The following AGAP1 variants were observed in gnomAD, a reference collection of about 807,000 sequenced individuals.
AGAP1 encodes the protein arf-GAP with GTPase, ANK repeat and PH domain-containing protein 1.
A neutral mutation model predicts 105.3 loss-of-function variants in AGAP1; 29 were observed. That is an observed-to-expected ratio of 0.28 (90% CI 0.21 to 0.38). The LOEUF is 0.38. Ranked by LOEUF, AGAP1 falls within the 10% of genes least tolerant of loss-of-function variation. AGAP1 has a pLI of 1.00. For missense variants in AGAP1, 998 were observed against 1,165.1 expected (o/e 0.86, Z 2.09); for synonymous variants, 509 against 485.9 (o/e 1.05, Z -0.63).
intron 1 of AGAP1, among the ~76,000 whole-genome samples, chr2:235,636,429 G>A (rs1342436411): frequency 1.3e-5 from 2 of 152,150 alleles, no homozygotes; most frequent in South Asian, 4.1e-4. Flanking sequence ...AAAGCCCTTC[G>A]CTGTGGATGT....
At position 235,934,499 on chromosome 2, in the gene AGAP1, G is replaced by T. The variant is rs1385801927; in HGVS notation, c.1483+3576G>T. Among the ~76,000 whole-genome samples the T allele has an allele frequency of 6.6e-6, 1 of 152,152 alleles. No individual in the cohort carries two copies. The highest frequency in any genetic ancestry group is 1.9e-4 in the East Asian group (1 of 5,196). ...CCAGCAATGTTTAGTGAACACCAGGGCACAGGATCTGATGGACAACTTCCA... is the reference window on the plus strand; with the variant it reads ...CCAGCAATGTTTAGTGAACACCAGGTCACAGGATCTGATGGACAACTTCCA... On this transcript the variant is annotated intron_variant, in intron 12 of 17. Transcript: ENST00000304032. This position sits in a 1 kb window ranked among gnomAD's most constrained non-coding sequence, Gnocchi z 4.9.
chr2:235,881,265 A>G lies in AGAP1; in HGVS notation c.1051-2080A>G, dbSNP rs557914378. On this transcript the variant is annotated intron_variant, in intron 9 of 17. Transcript: ENST00000304032. Reference sequence around the variant, plus strand: ...CAATTATATCCCATAATAATTATTCATTCTTATGTTGTAATTCTTGAAAGA... The same window carrying G: ...CAATTATATCCCATAATAATTATTCGTTCTTATGTTGTAATTCTTGAAAGA... Among the ~76,000 whole-genome samples, 5 of 152,314 alleles carry G rather than the reference A, an allele frequency of 3.3e-5. No individual in the cohort carries two copies. The East Asian group carries it at 9.6e-4, about 29-fold the overall frequency.
In AGAP1 at chr2:235,744,803, A is replaced by G; in HGVS notation, c.502A>G (p.Thr168Ala). The G allele has an allele frequency of 6.2e-7, 1 of 1,614,052 alleles. No individual in the cohort carries two copies. The highest frequency in any genetic ancestry group is 8.5e-7 in the Non-Finnish European group (1 of 1,180,032). The change falls in exon 5 of 18, where the codon ACG becomes GCG. Residue 168 changes from threonine to alanine, a missense_variant. Thr to Ala is a moderately conservative substitution (Grantham distance 58). Coordinates refer to ENST00000304032, the MANE Select transcript of AGAP1 (RefSeq NM_001037131.3). This position sits in a 1 kb window ranked among gnomAD's most constrained non-coding sequence, Gnocchi z 5.2. The stretch of plus-strand genomic sequence containing the variant: ...CAGTCGAATGGCCAACTATCGGAAC[A>G]CGAGCGAGATTCCTCTGGTTCTGGT... The part of the protein sequence containing the change: ...YYSRMANYRN[T>A]SEIPLVLVGT...
At chr2:235,868,095 C>T (rs972034353) in intron 9 of AGAP1, among the ~76,000 whole-genome samples, 2 of 151,980 alleles carry the variant, frequency 1.3e-5, no homozygotes, top group African/African-American at 4.8e-5. Context: ...AAACCTTTAA[C>T]AAGAACCTGT....
chr2:236,052,393 C>T (rs911598708), intron 16 of AGAP1, among the ~76,000 whole-genome samples: 1 of 152,094 alleles, frequency 6.6e-6, no homozygotes, highest in Admixed American at 6.6e-5. Context: ...CCAAAGAGAC[C>T]GCCGCACACT....
In AGAP1 at chr2:235,586,998, C is replaced by G. The variant is rs1329454716; in HGVS notation, c.163+92149C>G. Among the ~76,000 whole-genome samples the G allele has an allele frequency of 6.6e-6, 1 of 152,220 alleles. No homozygotes were observed. Among genetic ancestry groups the G allele is most frequent in the Non-Finnish European group, 1.5e-5 (1 of 68,036 alleles). ...TCCCATGAAAACAAACACATTTACT[C>G]TGTCTAGCTCCATCTCTAGTTAATT... On this transcript the variant is annotated intron_variant, in intron 1 of 17. Coordinates refer to ENST00000304032, the MANE Select transcript of AGAP1 (RefSeq NM_001037131.3). The surrounding 1 kb of genome is among the most constrained non-coding windows in gnomAD (Gnocchi z 4.2).
At chr2:235,941,296 G>A (rs2053246592) in intron 12 of AGAP1, among the ~76,000 whole-genome samples, 1 of 152,120 alleles carries the variant, frequency 6.6e-6, no homozygotes, top group Non-Finnish European at 1.5e-5. Context: ...AATTAATAGG[G>A]ATTATGTAGA....
At chr2:236,043,413 C>T (rs1337646605) in intron 15 of AGAP1, among the ~76,000 whole-genome samples, 1 of 152,166 alleles carries the variant, frequency 6.6e-6, no homozygotes, top group Non-Finnish European at 1.5e-5. Context: ...GTCTTTGCTA[C>T]CTTTAAAAAT....
chr2:235,927,704 C>T lies in AGAP1; in HGVS notation c.1325-3061C>T, dbSNP rs1017154751. 6.6e-5 allele frequency among the ~76,000 whole-genome samples: 10 copies of T among 152,342 alleles called. No individual in the cohort carries two copies. The highest frequency in any genetic ancestry group is 2.2e-4 in the African/African-American group (9 of 41,580). ...AGTCAGTGATGGATGCACTGAAATA[C>T]TGTCCTCTGCCTTTTAAAGGAAATT... On this transcript the variant is annotated intron_variant, in intron 11 of 17. Transcript: ENST00000304032. This position sits in a 1 kb window ranked among gnomAD's most constrained non-coding sequence, Gnocchi z 4.4.
chr2:235,956,181 G>T (rs1362204012), intron 12 of AGAP1, among the ~76,000 whole-genome samples: 2 of 152,146 alleles, frequency 1.3e-5, no homozygotes, highest in African/African-American at 4.8e-5. Context: ...TATGTAAAAA[G>T]GGAAGAGGCT....
Position 235,701,119 on chromosome 2 carries a change from A to G in AGAP1, c.164-8060A>G, listed in dbSNP as rs1038188977. ...CTCTATAATATAGTTATATGTACAT[A>G]TTATATATTATGTATATATGATATG... On this transcript the variant is annotated intron_variant, in intron 1 of 17. Coordinates refer to ENST00000304032, the MANE Select transcript of AGAP1 (RefSeq NM_001037131.3). This position sits in a 1 kb window ranked among gnomAD's most constrained non-coding sequence, Gnocchi z 4.1. Among the ~76,000 whole-genome samples, 1 of 147,632 alleles carries G rather than the reference A, an allele frequency of 6.8e-6. No homozygotes were observed. The highest frequency in any genetic ancestry group is 2.5e-5 in the African/African-American group (1 of 40,454).
intron 13 of AGAP1, among the ~76,000 whole-genome samples, chr2:236,011,012 A>C (rs1327849891): frequency 6.6e-6 from 1 of 152,148 alleles, no homozygotes; most frequent in Non-Finnish European, 1.5e-5. Context: ...GCGCCACTGC[A>C]CTCCAGCCTG....
rs1005488805 is a variant in AGAP1, at chr2:235,577,663, G to A, written c.163+82814G>A. Among the ~76,000 whole-genome samples, 5 of 152,060 alleles carry A rather than the reference G, an allele frequency of 3.3e-5. No homozygotes were observed. Among genetic ancestry groups the A allele is most frequent in the African/African-American group, 9.7e-5 (4 of 41,400 alleles). On this transcript the variant is annotated intron_variant, in intron 1 of 17. Coordinates refer to ENST00000304032, the MANE Select transcript of AGAP1 (RefSeq NM_001037131.3). This position sits in a 1 kb window ranked among gnomAD's most constrained non-coding sequence, Gnocchi z 4.5. ...TTTGGGCAGTTAACTCTGAGCATTC[G>A]GAACATTCGCCGAGTGGAACGTGTG...
chr2:236,058,693 C>T lies in AGAP1; in HGVS notation c.2114+9412C>T, dbSNP rs2058110267. On this transcript the variant is annotated intron_variant, in intron 16 of 17. Coordinates refer to ENST00000304032, the MANE Select transcript of AGAP1 (RefSeq NM_001037131.3). This position sits in a 1 kb window ranked among gnomAD's most constrained non-coding sequence, Gnocchi z 4.6. ...AGACAAGAATGTCACCAGATCTGTT[C>T]AGCATTATACTGGAGGTTCAAGCCA... Among the ~76,000 whole-genome samples, 1 of 152,162 alleles carries T rather than the reference C, an allele frequency of 6.6e-6. No individual in the cohort carries two copies. The highest frequency in any genetic ancestry group is 6.5e-5 in the Admixed American group (1 of 15,274).
rs1952130662 is a variant in AGAP1, at chr2:235,734,508, C to T, written c.311-6455C>T. Reference sequence around the variant, plus strand: ...GAGCTTTGAAGTCAAGAGTCATTTTCATCCTTAGCTCAGGCATGAAAAAAA... The same window carrying T: ...GAGCTTTGAAGTCAAGAGTCATTTTTATCCTTAGCTCAGGCATGAAAAAAA... On this transcript the variant is annotated intron_variant, in intron 3 of 17. Coordinates refer to ENST00000304032, the MANE Select transcript of AGAP1 (RefSeq NM_001037131.3). The surrounding 1 kb of genome is among the most constrained non-coding windows in gnomAD (Gnocchi z 5.3). Among the ~76,000 whole-genome samples the T allele has an allele frequency of 1.3e-5, 2 of 150,480 alleles. No individual in the cohort carries two copies. Among genetic ancestry groups the T allele is most frequent in the South Asian group, 4.2e-4 (2 of 4,780 alleles).
intron 1 of AGAP1, among the ~76,000 whole-genome samples, chr2:235,523,018 G>C (rs534983849): frequency 6.6e-6 from 1 of 152,152 alleles, no homozygotes; most frequent in Non-Finnish European, 1.5e-5. Context: ...TTTATGTCTC[G>C]CAGTTCTGGC....
intron 1 of AGAP1, among the ~76,000 whole-genome samples, chr2:235,541,761 C>T (rs928517778): frequency 6.6e-6 from 1 of 152,096 alleles, no homozygotes; most frequent in Non-Finnish European, 1.5e-5. Flanking sequence ...TATATAATGT[C>T]CCTAAAGTAT....
rs1295537306 is a variant in AGAP1 at position 235,623,345 on chromosome 2, T to G, written c.164-85834T>G. 1.3e-5 allele frequency among the ~76,000 whole-genome samples: 2 copies of G among 152,204 alleles called. No homozygotes were observed. The highest frequency in any genetic ancestry group is 2.9e-5 in the Non-Finnish European group (2 of 68,046). ...AATCAAGATTTGCTTTGCCTCGTTGTGTAAATATCGGCAAACCATGTTTTG... is the reference window on the plus strand; with the variant it reads ...AATCAAGATTTGCTTTGCCTCGTTGGGTAAATATCGGCAAACCATGTTTTG... On this transcript the variant is annotated intron_variant, in intron 1 of 17. Transcript: ENST00000304032. The surrounding 1 kb of genome is among the most constrained non-coding windows in gnomAD (Gnocchi z 4.5).
In AGAP1 at chr2:235,741,175, C is replaced by A; in HGVS notation, c.396+127C>A. The A allele has an allele frequency of 3.0e-6, 2 of 665,808 alleles. No individual in the cohort carries two copies. Among genetic ancestry groups the A allele is most frequent in the Non-Finnish European group, 4.7e-6 (2 of 425,022 alleles). The allele number at this position is 665,808 out of a possible 1,614,324, so 41.2% of individuals were successfully genotyped here. A position where few individuals can be genotyped will look rare whatever the true frequency, so the allele number is the denominator to read the frequency against. On this transcript the variant is annotated intron_variant, in intron 4 of 17. Coordinates refer to ENST00000304032, the MANE Select transcript of AGAP1 (RefSeq NM_001037131.3). This position sits in a 1 kb window ranked among gnomAD's most constrained non-coding sequence, Gnocchi z 4.9. ...AGTGGAAACCCCATAAAAAATGTTT[C>A]CTCTCACTGCATTTTTTTCTCATCT...
Sources: allele counts gnomAD v4.1 joint callset (sites outside exome capture counted in the v4.1 genomes callset), GRCh38; gene constraint gnomAD v4.1.1; non-coding constraint Gnocchi (gnomAD v3.1); transcripts MANE v1.5; gene names NCBI Gene and HGNC (gene_info 2026-07-23, HGNC 2026-07-21).